SYTL5: variants seen among roughly 807,000 people sequenced by gnomAD.
The protein encoded by SYTL5 is synaptotagmin like 5.
Under a neutral mutation model 55.9 loss-of-function variants are expected in SYTL5, and 34 were observed. The ratio of observed to expected loss-of-function variants is 0.61; its 90% CI spans 0.46 to 0.81. SYTL5 has a LOEUF of 0.81. Among genes scored for constraint, SYTL5 ranks in the 30% least tolerant of loss-of-function variants. SYTL5 has a pLI of 0.00. For missense variants in SYTL5, 637 were observed against 546.7 expected (o/e 1.17, Z -1.65); for synonymous variants, 221 against 188.7 (o/e 1.17, Z -1.40).
chrX:37,930,752 A>G, the SYTL5 span, among the ~76,000 whole-genome samples: 70 of 112,340 alleles, frequency 6.2e-4, no homozygotes, highest in African/African-American at 2.0e-3. Flanking sequence ...ATGAAGAACA[A>G]ACACAGGGTT....
At chrX:38,118,167 T>A (rs1937522387) in intron 13 of SYTL5, among the ~76,000 whole-genome samples, 1 of 111,813 alleles carries the variant, frequency 8.9e-6, no homozygotes, top group Non-Finnish European at 1.9e-5. Flanking sequence ...AAATATTAGA[T>A]GGATAGTCTA....
At chrX:37,988,232 G>C in the SYTL5 span, among the ~76,000 whole-genome samples, 2 of 111,364 alleles carry the variant, frequency 1.8e-5, no homozygotes, top group Non-Finnish European at 3.8e-5. Context: ...GAAGGAAGGG[G>C]CCCATGAGAT....
At chrX:37,998,761 C>T in the SYTL5 span, among the ~76,000 whole-genome samples, 4 of 111,683 alleles carry the variant, frequency 3.6e-5, no homozygotes, top group East Asian at 2.8e-4. Context: ...GCCAGAAAAA[C>T]GACACCCTAA....
At chrX:37,940,601 T>G in the SYTL5 span, among the ~76,000 whole-genome samples, 2,046 of 29,522 alleles carry the variant, frequency 0.069, 57 homozygotes, top group African/African-American at 0.1. Context: ...GATAGGTGTG[T>G]ATGTATATAT....
At chrX:38,115,509 AAG>A (rs1937469056) in intron 13 of SYTL5, among the ~76,000 whole-genome samples, 1 of 108,995 alleles carries the variant, frequency 9.2e-6, no homozygotes, top group African/African-American at 3.3e-5. Flanking sequence ...AAAAAAAAAA[AAG>A]ATACTTATTT....
intron 3 of SYTL5, among the ~76,000 whole-genome samples, chrX:38,056,045 G>T (rs967149699): frequency 9.0e-6 from 1 of 111,324 alleles, no homozygotes. Context: ...ATGCTATCAA[G>T]TACTAGATCT....
intron 1 of SYTL5, among the ~76,000 whole-genome samples, chrX:38,031,594 C>T: frequency 1.8e-5 from 2 of 112,228 alleles, no homozygotes; most frequent in Non-Finnish European, 3.8e-5. Context: ...AAGTCTAAGT[C>T]TGACATTTCA....
the SYTL5 span, among the ~76,000 whole-genome samples, chrX:37,975,978 G>A: frequency 9.0e-6 from 1 of 111,657 alleles, no homozygotes; most frequent in African/African-American, 3.3e-5. Context: ...AAGTAGAGTG[G>A]CCTCTGCCCT....
intron 11 of SYTL5, 70 bp downstream of exon 11, chrX:38,106,841 T>A: frequency 1.1e-6 from 1 of 900,814 alleles, no homozygotes; most frequent in Non-Finnish European, 1.5e-6. Context: ...TGTTTCCTTT[T>A]CAAAAGAGTC....
At chrX:38,126,212 C>A (rs191522429) in intron 16 of SYTL5, among the ~76,000 whole-genome samples, 1 of 111,550 alleles carries the variant, frequency 9.0e-6, no homozygotes, top group East Asian at 2.8e-4. Context: ...TTAAGGGGAG[C>A]CAAAAATATC....
At chrX:37,905,439 G>T in the SYTL5 span, among the ~76,000 whole-genome samples, 129 of 78,845 alleles carry the variant, frequency 1.6e-3, no homozygotes, top group Non-Finnish European at 2.9e-3. Context: ...GTGTGTGTGT[G>T]GGGGGGGCGT....
chrX:37,937,536 C>A, the SYTL5 span, among the ~76,000 whole-genome samples: 23 of 111,646 alleles, frequency 2.1e-4, no homozygotes, highest in African/African-American at 7.2e-4. Flanking sequence ...TAGGTTGAAG[C>A]AGATTCTCCC....
At chrX:38,105,357 G>A (rs5917534) in intron 10 of SYTL5, among the ~76,000 whole-genome samples, 14,892 of 112,573 alleles carry the variant, frequency 0.13, 801 homozygotes, top group Middle Eastern at 0.16. Flanking sequence ...TGCTCAGAGC[G>A]CAGTTTTGTT....
chrX:37,967,281 A>G, the SYTL5 span, among the ~76,000 whole-genome samples: 1 of 110,970 alleles, frequency 9.0e-6, no homozygotes, highest in African/African-American at 3.3e-5. Context: ...CAAACTCCTG[A>G]CCTCAAATGA....
the SYTL5 span, among the ~76,000 whole-genome samples, chrX:37,909,883 C>T: frequency 9.1e-6 from 1 of 110,302 alleles, no homozygotes; most frequent in Non-Finnish European, 1.9e-5. Context: ...CCATGTTAGC[C>T]AGGCTGGTCT....
intron 2 of SYTL5, among the ~76,000 whole-genome samples, chrX:38,044,285 G>T (rs2144994): frequency 2.7e-5 from 3 of 110,788 alleles, no homozygotes. Context: ...ACCTTTATCT[G>T]TGAAAATGTG....
Position 38,033,974 on chromosome X carries a change from G to T in SYTL5, c.85G>T (p.Glu29Ter), listed in dbSNP as rs1232468681. 8.4e-7 allele frequency: 1 copy of T among 1,183,642 alleles called. No individual in the cohort carries two copies. The highest frequency in any genetic ancestry group is 1.1e-6 in the Non-Finnish European group (1 of 875,898). ...EMILGVLKRD[E>*]YLKKVEDKRI... is the part of the protein sequence containing the mutation. ...GATCCTGGGCGTCCTAAAGAGAGAT[G>T]AATATTTGAAAAAAGTGGAGGACAA... The change falls in exon 2 of 17, where the codon GAA (glutamate) becomes TAA (stop). Residue 29 changes from glutamate (E) to a stop codon, truncating the protein, a stop_gained. Coordinates refer to ENST00000297875, the MANE Select transcript of SYTL5 (RefSeq NM_138780.3). LOFTEE classifies it high-confidence loss of function.
the SYTL5 span, among the ~76,000 whole-genome samples, chrX:37,907,768 T>C: frequency 7.1e-5 from 8 of 112,574 alleles, no homozygotes; most frequent in Non-Finnish European, 1.5e-4. Flanking sequence ...TCCTAAAAGA[T>C]AAGTCATTTA....
the SYTL5 span, among the ~76,000 whole-genome samples, chrX:37,936,286 A>C: frequency 8.9e-6 from 1 of 112,155 alleles, no homozygotes; most frequent in African/African-American, 3.2e-5. Flanking sequence ...TAGAAAATAT[A>C]ATCTGCCACA....
Sources: gnomAD v4.1 joint callset for allele counts (sites outside exome capture counted in the v4.1 genomes callset) on GRCh38, gnomAD v4.1.1 for gene constraint, MANE v1.5 for transcripts, NCBI Gene and HGNC (gene_info 2026-07-23, HGNC 2026-07-21) for gene names.